ELF5: variants seen among roughly 807,000 people sequenced by gnomAD.
ELF5 encodes E74 like ETS transcription factor 5.
ELF5 carries 31 observed loss-of-function variants against 38.2 expected under a neutral mutation model. That is an observed-to-expected ratio of 0.81 (90% CI 0.61 to 1.10). The LOEUF is 1.10. Among genes scored for constraint, ELF5 ranks in the 50% least tolerant of loss-of-function variants. The pLI, the probability that ELF5 is intolerant of heterozygous loss-of-function variation, is 0.00. For missense variants in ELF5, 300 were observed against 306.6 expected (o/e 0.98, Z 0.16); for synonymous variants, 121 against 112.5 (o/e 1.08, Z -0.48).
intron 1 of ELF5, among the ~76,000 whole-genome samples, chr11:34,506,769 CTCCCAAAG>C (rs1850623805): frequency 6.6e-6 from 1 of 151,340 alleles, no homozygotes; most frequent in African/African-American, 2.5e-5. Flanking sequence ...CCTTCTTGGC[CTCCCAAAG>C]TCCTGGGATT....
chr11:34,511,574 G>T (rs957342413), intron 1 of ELF5: 2 of 1,614,238 alleles, frequency 1.2e-6, no homozygotes. Flanking sequence ...TGGCATGGAA[G>T]CTGAGGTCCC....
Position 34,490,074 on chromosome 11 carries a change from G to A in ELF5, c.356-15C>T, listed in dbSNP as rs754069457. 5 of 1,613,880 alleles carry A rather than the reference G, an allele frequency of 3.1e-6. No homozygotes were observed. Among genetic ancestry groups the A allele is most frequent in the Non-Finnish European group, 4.2e-6 (5 of 1,179,808 alleles). On this transcript the variant is annotated splice_polypyrimidine_tract_variant and intron_variant, in intron 3 of 6. Transcript: ENST00000257832. ...AAAGGAGTAACCTGGGAAAGAAAAA[G>A]AAATCCAGAAACCATACCATGCAAT...
chr11:34,506,990 T>C (rs1215152947), intron 1 of ELF5, among the ~76,000 whole-genome samples: 1 of 152,254 alleles, frequency 6.6e-6, no homozygotes, highest in Non-Finnish European at 1.5e-5. Flanking sequence ...TAGTTTTATA[T>C]ACTGTTTCAT....
chr11:34,498,353 T>A (rs1199927166), intron 2 of ELF5, among the ~76,000 whole-genome samples: 1 of 104,730 alleles, frequency 9.5e-6, no homozygotes, highest in African/African-American at 3.9e-5. Context: ...ACACTTCTAA[T>A]TTTTTTTTTT....
intron 2 of ELF5, among the ~76,000 whole-genome samples, chr11:34,495,330 G>A (rs1440508473): frequency 1.3e-5 from 2 of 152,302 alleles, no homozygotes; most frequent in African/African-American, 2.4e-5. Context: ...GATTTGCAGC[G>A]TTTAAAGGTG....
chr11:34,479,915 G>T lies in ELF5; in HGVS notation c.*303C>A. ...GAATTGAATAGTTTTTCTCTGATCA[G>T]CATCAATGGCATGGGCTGTTGTCAT... On this transcript the variant is annotated 3_prime_UTR_variant, in exon 7 of 7. Transcript: ENST00000257832. 1 of 300,836 alleles carries T rather than the reference G, an allele frequency of 3.3e-6. No homozygotes were observed. The highest frequency in any genetic ancestry group is 6.2e-6 in the Non-Finnish European group (1 of 162,070). 18.6% of individuals were successfully genotyped at this position (300,836 alleles called of 1,614,324 possible).
At chr11:34,498,709 A>G (rs1253053436) in intron 2 of ELF5, among the ~76,000 whole-genome samples, 1 of 152,196 alleles carries the variant, frequency 6.6e-6, no homozygotes, top group Non-Finnish European at 1.5e-5. Context: ...TCTTCAAGAG[A>G]AAGATCAGAG....
chr11:34,488,752 C>A (rs1388962623), intron 4 of ELF5, among the ~76,000 whole-genome samples: 2 of 152,194 alleles, frequency 1.3e-5, no homozygotes, highest in Non-Finnish European at 2.9e-5. Context: ...AAGACACTGA[C>A]CCCTGGAGAA....
At chr11:34,508,155 A>T (rs1220134463) in intron 1 of ELF5, among the ~76,000 whole-genome samples, 9 of 152,232 alleles carry the variant, frequency 5.9e-5, no homozygotes, top group Non-Finnish European at 1.5e-5. Context: ...AGCAAACTAC[A>T]TCCTATAGGC....
intron 4 of ELF5, among the ~76,000 whole-genome samples, chr11:34,483,078 G>A (rs906131411): frequency 1.3e-5 from 2 of 151,840 alleles, no homozygotes; most frequent in African/African-American, 4.8e-5. Context: ...CCCCCTGCTT[G>A]CTTTGCCCCA....
intron 1 of ELF5, among the ~76,000 whole-genome samples, chr11:34,510,286 A>G (rs539109987): frequency 3.3e-5 from 5 of 150,592 alleles, no homozygotes; most frequent in Non-Finnish European, 1.5e-5. Flanking sequence ...TGGAAAAAAT[A>G]TCTTTTATAA....
At chr11:34,482,797 G>A (rs1856971037) in intron 4 of ELF5, among the ~76,000 whole-genome samples, 1 of 152,156 alleles carries the variant, frequency 6.6e-6, no homozygotes, top group African/African-American at 2.4e-5. Flanking sequence ...TTATATCAAA[G>A]TGTAGAGCAA....
At position 34,493,182 on chromosome 11, in the gene ELF5, C is replaced by A. The variant is rs933243204; in HGVS notation, c.355+297G>T. On this transcript the variant is annotated intron_variant, in intron 3 of 6. Coordinates refer to ENST00000257832, the MANE Select transcript of ELF5 (RefSeq NM_001422.4). ...TTGTCCATCCTGTGTGGTTTCAAAT[C>A]ATTATGAATATACTGTATTATTATC... 3.8e-5 allele frequency: 21 copies of A among 555,404 alleles called. 1 individual carries two copies. Among genetic ancestry groups the A allele is most frequent in the Non-Finnish European group, 3.2e-6 (1 of 311,954 alleles). The allele number at this position is 555,404 out of a possible 1,614,324, so 34.4% of individuals were successfully genotyped here.
intron 4 of ELF5, among the ~76,000 whole-genome samples, chr11:34,489,200 A>T (rs1850094187): frequency 6.6e-6 from 1 of 152,262 alleles, no homozygotes; most frequent in South Asian, 2.1e-4. Context: ...GTTAACTAGG[A>T]TCCAAGTAAC....
chr11:34,512,793 C>A (rs1850795036), intron 1 of ELF5, among the ~76,000 whole-genome samples: 1 of 152,116 alleles, frequency 6.6e-6, no homozygotes, highest in Admixed American at 6.5e-5. Flanking sequence ...GCAGAGAACA[C>A]GAAGACAACA....
At chr11:34,493,187 T>C in intron 3 of ELF5, 1 of 570,810 alleles carries the variant, frequency 1.8e-6, no homozygotes, top group Non-Finnish European at 3.1e-6. Context: ...CAAATCATTA[T>C]GAATATACTG....
chr11:34,484,482 A>ACTATC (rs769315692), intron 4 of ELF5, among the ~76,000 whole-genome samples: 2,867 of 21,202 alleles, frequency 0.14, 84 homozygotes, highest in African/African-American at 0.26. Context: ...CACTATACTA[A>ACTATC]CTATACTATA....
intron 4 of ELF5, among the ~76,000 whole-genome samples, chr11:34,484,742 G>C (rs1320015923): frequency 2.0e-5 from 3 of 152,058 alleles, no homozygotes; most frequent in Admixed American, 1.3e-4. Context: ...GCCTTTCACA[G>C]ACTGACCCCC....
At position 34,479,688 on chromosome 11, in the gene ELF5, C is replaced by CA. The variant is rs11388919; in HGVS notation, c.*529dup. ...TGGGCAACATAGTGAGAACCCGTCT[C>CA]AAAAAAAAAAAAAGGGATACTTTTC... On this transcript the variant is annotated 3_prime_UTR_variant, in exon 7 of 7. Coordinates refer to ENST00000257832, the MANE Select transcript of ELF5 (RefSeq NM_001422.4). The CA allele has an allele frequency of 0.37, 51,163 of 137,206 alleles. 9,045 individuals carry two copies. Among genetic ancestry groups the CA allele is most frequent in the South Asian group, 0.5 (2,221 of 4,424 alleles). The allele number at this position is 137,206 out of a possible 1,614,324, so 8.5% of individuals were successfully genotyped here. A position where few individuals can be genotyped will look rare whatever the true frequency, so the allele number is the denominator to read the frequency against.
Sources: allele counts gnomAD v4.1 joint callset (sites outside exome capture counted in the v4.1 genomes callset), GRCh38; gene constraint gnomAD v4.1.1; transcripts MANE v1.5; gene names NCBI Gene and HGNC (gene_info 2026-07-23, HGNC 2026-07-21).